The following PCDH15 variants were observed in gnomAD, a reference collection of about 807,000 sequenced individuals.
PCDH15 encodes the protein protocadherin related 15, also known as protocadherin-15.
A neutral mutation model predicts 178.5 loss-of-function variants in PCDH15; 129 were observed. The ratio of observed to expected loss-of-function variants is 0.72; its 90% CI spans 0.63 to 0.84. The LOEUF is 0.84. Ranked by LOEUF, PCDH15 falls within the 40% of genes least tolerant of loss-of-function variation. The pLI is 0.00. For synonymous variants in PCDH15, 800 were observed against 732.0 expected, an observed-to-expected ratio of 1.09 and a Z score of -1.50; for missense variants, 2,230 against 2,099.9, an observed-to-expected ratio of 1.06 and a Z score of -1.21.
chr10:54,761,180 T>C (rs899970323), intron 1 of PCDH15, among the ~76,000 whole-genome samples: 10 of 152,074 alleles, frequency 6.6e-5, no homozygotes, highest in African/African-American at 2.4e-4. Flanking sequence ...AATTCTACAC[T>C]CCTTGCCTTT....
intron 2 of PCDH15, chr10:54,575,431 G>GA (rs1305624204): frequency 6.6e-6 from 1 of 152,306 alleles, no homozygotes; most frequent in Non-Finnish European, 1.5e-5. Context: ...AACTAAGACA[G>GA]AAAAAAATTG....
chr10:54,453,645 A>G (rs1223542525), intron 3 of PCDH15, among the ~76,000 whole-genome samples: 3 of 152,174 alleles, frequency 2.0e-5, no homozygotes, highest in Non-Finnish European at 2.9e-5. Flanking sequence ...CCTAAAACTT[A>G]AAGTATAATT....
intron 2 of PCDH15, among the ~76,000 whole-genome samples, chr10:55,514,358 T>C (rs1237805632): frequency 6.6e-6 from 1 of 152,156 alleles, no homozygotes; most frequent in African/African-American, 2.4e-5. Context: ...AGATTTGGTA[T>C]AGTATTGTAG....
At chr10:55,160,634 A>G (rs1403177933) in intron 2 of PCDH15, among the ~76,000 whole-genome samples, 1 of 151,968 alleles carries the variant, frequency 6.6e-6, no homozygotes, top group African/African-American at 2.4e-5. Context: ...GCACCTTTGC[A>G]TTTCTGTTGC....
chr10:53,924,862 A>G (rs917230917), intron 25 of PCDH15, among the ~76,000 whole-genome samples: 2 of 152,140 alleles, frequency 1.3e-5, no homozygotes, highest in Non-Finnish European at 2.9e-5. Flanking sequence ...AAACACATCA[A>G]TCAGTACCCT....
At chr10:54,877,930 CTCTCTCTCTTTTTTTTTTTTTTTTTTT>C (rs1564595254) in intron 3 of PCDH15, among the ~76,000 whole-genome samples, 2 of 4,128 alleles carry the variant, frequency 4.8e-4, no homozygotes, top group African/African-American at 1.0e-3. Context: ...CTCTTTCTCT[CTCTCTCTCTTTTTTTTTTTTTTTTTTT>C]TTTTTTTTTT....
At position 55,174,419 on chromosome 10, in the gene PCDH15, C is replaced by T. The variant is rs560369612; in HGVS notation, c.-155-7768G>A. 2.2e-4 allele frequency among the ~76,000 whole-genome samples: 34 copies of T among 152,200 alleles called. No homozygotes were observed. In the South Asian group the frequency reaches 5.2e-3, roughly 23 times the overall value. On this transcript the variant is annotated intron_variant, in intron 1 of 5. Coordinates refer to the PCDH15 transcript ENST00000458638. ...AGATTTGCTTATAATTCAGCTTGGC[C>T]GAATTATAAACTGCAGGACAGAGAA... is the stretch of plus-strand genomic sequence containing the variant.
intron 34 of PCDH15, 33 bp downstream of exon 34, chr10:53,817,962 C>T (rs1359239895): frequency 2.5e-6 from 1 of 398,522 alleles, no homozygotes; most frequent in Non-Finnish European, 4.4e-6. Context: ...TCCTAGTATG[C>T]TTGTTACGAC....
intron 2 of PCDH15, among the ~76,000 whole-genome samples, chr10:55,487,137 G>A (rs1840313841): frequency 6.6e-6 from 1 of 151,428 alleles, no homozygotes; most frequent in Admixed American, 6.6e-5. Flanking sequence ...TAAGCCAAAT[G>A]CCTTCTACAT....
chr10:55,213,856 A>G (rs1465249068), intron 1 of PCDH15, among the ~76,000 whole-genome samples: 1 of 151,050 alleles, frequency 6.6e-6, no homozygotes, highest in Non-Finnish European at 1.5e-5. Flanking sequence ...TTCCTTTATA[A>G]TTTGATTAGC....
intron 26 of PCDH15, among the ~76,000 whole-genome samples, chr10:53,872,091 C>T (rs1294762108): frequency 6.6e-6 from 1 of 152,158 alleles, no homozygotes; most frequent in Non-Finnish European, 1.5e-5. Context: ...ACACACTCTA[C>T]CCCTCCTTGT....
At chr10:54,510,468 G>A (rs903657076) in intron 3 of PCDH15, among the ~76,000 whole-genome samples, 1 of 152,168 alleles carries the variant, frequency 6.6e-6, no homozygotes, top group Non-Finnish European at 1.5e-5. Flanking sequence ...GCTAACCAAA[G>A]AGTAACTTCA....
At chr10:55,311,890 A>G (rs1843594750) in intron 1 of PCDH15, among the ~76,000 whole-genome samples, 2 of 152,200 alleles carry the variant, frequency 1.3e-5, no homozygotes, top group South Asian at 4.1e-4. Flanking sequence ...TTAGATGCAG[A>G]ACTCAATTTT....
intron 25 of PCDH15, among the ~76,000 whole-genome samples, chr10:53,903,633 C>T (rs1182930882): frequency 1.3e-5 from 2 of 152,120 alleles, no homozygotes; most frequent in African/African-American, 4.8e-5. Context: ...CACTAAAATA[C>T]TGCACCCTGT....
At chr10:54,940,055 T>C (rs1415000102) in intron 2 of PCDH15, among the ~76,000 whole-genome samples, 1 of 152,220 alleles carries the variant, frequency 6.6e-6, no homozygotes, top group African/African-American at 2.4e-5. Flanking sequence ...TAATCATTAT[T>C]TCCTACCATG....
chr10:54,540,358 T>G (rs781298145), intron 2 of PCDH15, among the ~76,000 whole-genome samples: 47 of 151,602 alleles, frequency 3.1e-4, no homozygotes, highest in Middle Eastern at 3.4e-3. Flanking sequence ...CACAAAAAAA[T>G]CCTCAGAGAC....
At chr10:54,414,226 A>C (rs2135695609) in intron 3 of PCDH15, among the ~76,000 whole-genome samples, 1 of 152,276 alleles carries the variant, frequency 6.6e-6, no homozygotes, top group African/African-American at 2.4e-5. Context: ...CTTGAATCAA[A>C]TGAAAGACAT....
intron 26 of PCDH15, among the ~76,000 whole-genome samples, chr10:53,898,622 G>C (rs1009312843): frequency 6.6e-6 from 1 of 152,090 alleles, no homozygotes; most frequent in East Asian, 1.9e-4. Flanking sequence ...AATGTGACAT[G>C]AGCCTTCAAA....
intron 26 of PCDH15, among the ~76,000 whole-genome samples, chr10:53,878,485 T>A (rs2080441038): frequency 7.0e-6 from 1 of 142,626 alleles, no homozygotes; most frequent in Non-Finnish European, 1.5e-5. Flanking sequence ...AGTATATATA[T>A]AAATATATAA....
Sources: allele counts gnomAD v4.1 joint callset (sites outside exome capture counted in the v4.1 genomes callset), GRCh38; gene constraint gnomAD v4.1.1; transcripts MANE v1.5; gene names NCBI Gene and HGNC (gene_info 2026-07-23, HGNC 2026-07-21).